Variants in CD9 observed in about 807,000 individuals in gnomAD.
CD9 encodes CD9 antigen.
CD9 carries 10 observed loss-of-function variants against 31.4 expected under a neutral mutation model. The ratio of observed to expected loss-of-function variants is 0.32; its 90% CI spans 0.20 to 0.54. The LOEUF (loss-of-function observed/expected upper bound fraction) is 0.54, where lower values mean the gene tolerates loss of function less well. CD9 is among the 20% of genes least tolerant of loss of function. The pLI, the probability that CD9 is intolerant of heterozygous loss-of-function variation, is 0.94. For synonymous variants in CD9, 113 were observed against 114.1 expected (o/e 0.99, Z 0.06); for missense variants, 259 against 300.1 (o/e 0.86, Z 1.01).
chr12:6,233,453 T>C lies in CD9; in HGVS notation c.315T>C (p.Ala105=), dbSNP rs1243155971. The change falls in exon 4 of 8, where the codon GCT becomes GCC. Residue 105 remains alanine (A), a synonymous_variant. Coordinates refer to ENST00000009180, the MANE Select transcript of CD9 (RefSeq NM_001769.4). ...TGGTGATATTCGCCATTGAAATAGC[T>C]GCGGCCATCTGGGGATATTCCCACA... ...FLLVIFAIEI[A]AAIWGYSHKD... The C allele has an allele frequency of 6.2e-7, 1 of 1,614,144 alleles. No homozygotes were observed.
At chr12:6,226,492 G>A (rs779032641) in intron 2 of CD9, 6 of 152,164 alleles carry the variant, frequency 3.9e-5, no homozygotes, top group African/African-American at 9.7e-5. Flanking sequence ...TTTTACAAAC[G>A]AGGGAGAAAA....
intron 6 of CD9, 87 bp downstream of exon 6, chr12:6,235,652 GC>G (rs1490307953): frequency 1.3e-6 from 2 of 1,488,204 alleles, no homozygotes; most frequent in Admixed American, 4.6e-5. Flanking sequence ...GCCAAGTGCT[GC>G]TTCAGCAAGA....
chr12:6,223,937 T>C (rs1041519251), intron 1 of CD9, among the ~76,000 whole-genome samples: 1 of 152,222 alleles, frequency 6.6e-6, no homozygotes, highest in African/African-American at 2.4e-5. Flanking sequence ...ACTCTCAAGT[T>C]CATTTGAACT....
At position 6,236,283 on chromosome 12, in the gene CD9, G is replaced by T. The variant is rs766138301; in HGVS notation, c.621+8G>T. On this transcript the variant is annotated splice_region_variant and intron_variant, in intron 7 of 7. Coordinates refer to ENST00000009180, the MANE Select transcript of CD9 (RefSeq NM_001769.4). Reference sequence around the variant, plus strand: ...GGCATTGCCGTGGTCATGGTGAGTGGCAGGACGTCGTCCCAGGAGGGGGAC... The same window carrying T: ...GGCATTGCCGTGGTCATGGTGAGTGTCAGGACGTCGTCCCAGGAGGGGGAC... 1.6e-5 allele frequency: 26 copies of T among 1,613,372 alleles called. 1 individual carries two copies. In the Admixed American group the frequency reaches 2.8e-4, roughly 18 times the overall value.
At chr12:6,217,196 C>G (rs1946251901) in intron 1 of CD9, among the ~76,000 whole-genome samples, 1 of 152,002 alleles carries the variant, frequency 6.6e-6, no homozygotes, top group Admixed American at 6.6e-5. Context: ...CAAAGAGTCC[C>G]CTGGGATTGC....
At chr12:6,209,240 G>T (rs543667883) in intron 1 of CD9, among the ~76,000 whole-genome samples, 1 of 152,288 alleles carries the variant, frequency 6.6e-6, no homozygotes, top group East Asian at 1.9e-4. Flanking sequence ...GATTATAGGC[G>T]TGAGCCACCG....
intron 1 of CD9, among the ~76,000 whole-genome samples, chr12:6,219,162 C>T (rs183049894): frequency 4.1e-4 from 63 of 152,116 alleles, no homozygotes; most frequent in African/African-American, 1.2e-3. Flanking sequence ...CACACCACCA[C>T]GCCCGGCTAA....
At position 6,200,505 on chromosome 12, in the gene CD9, G is replaced by T; in HGVS notation, c.6G>T (p.Pro2=). ...AGGCTAAGTTAGCCCTCACCATGCC[G>T]GTCAAAGGAGGCACCAAGTGCATCA... The part of the protein sequence containing the change: M[P]VKGGTKCIKY... The change falls in exon 1 of 8, where the codon CCG becomes CCT. Residue 2 remains proline (P), a synonymous_variant. Coordinates refer to ENST00000009180, the MANE Select transcript of CD9 (RefSeq NM_001769.4). 1.9e-6 allele frequency: 3 copies of T among 1,610,078 alleles called. No homozygotes were observed. Among genetic ancestry groups the T allele is most frequent in the South Asian group, 1.1e-5 (1 of 90,712 alleles).
At position 6,209,422 on chromosome 12, in the gene CD9, C is replaced by T. The variant is rs1357140945; in HGVS notation, c.66+8857C>T. On this transcript the variant is annotated intron_variant, in intron 1 of 7. Transcript: ENST00000009180. ...GGGGAGTCATCCATACCTCCCTCAG[C>T]GGCCCCGTTCCTAGAGACGGGAGGC... 2.0e-5 allele frequency among the ~76,000 whole-genome samples: 3 copies of T among 152,190 alleles called. 1 individual carries two copies. The South Asian group carries it at 6.2e-4, about 32-fold the overall frequency.
At chr12:6,231,095 A>G (rs148887255) in intron 2 of CD9, among the ~76,000 whole-genome samples, 54 of 152,242 alleles carry the variant, frequency 3.5e-4, no homozygotes, top group Non-Finnish European at 6.6e-4. Context: ...TTGTGGGGAA[A>G]CATCACAGAC....
At position 6,235,476 on chromosome 12, in the gene CD9, T is replaced by C. The variant is rs745452099; in HGVS notation, c.448T>C (p.Leu150=). ...CCCCATCCCTGCCTTCTCGCTGTAG[T>C]TGAACTGCTGTGGTTTGGCTGGGGG... ...RETLKAIHYA[L]NCCGLAGGVE... is the part of the protein sequence containing the mutation. Residue 150 remains leucine, a splice_region_variant and synonymous_variant, in exon 6 of 8, where the codon TTG becomes CTG. Coordinates refer to ENST00000009180, the MANE Select transcript of CD9 (RefSeq NM_001769.4). 1.2e-6 allele frequency: 2 copies of C among 1,614,004 alleles called. No homozygotes were observed. Among genetic ancestry groups the C allele is most frequent in the East Asian group, 2.2e-5 (1 of 44,872 alleles).
chr12:6,211,583 G>A (rs1946194587), intron 1 of CD9, among the ~76,000 whole-genome samples: 1 of 152,266 alleles, frequency 6.6e-6, no homozygotes, highest in African/African-American at 2.4e-5. Context: ...TGGAATGAGA[G>A]CAAGCTGCTG....
intron 4 of CD9, among the ~76,000 whole-genome samples, chr12:6,233,810 C>T (rs370282820): frequency 2.0e-5 from 3 of 151,752 alleles, no homozygotes; most frequent in African/African-American, 7.3e-5. Flanking sequence ...AAAGATTACT[C>T]AGGAAATACA....
intron 1 of CD9, 154 bp downstream of exon 1, chr12:6,200,719 T>C (rs1313134268): frequency 1.9e-6 from 1 of 533,774 alleles, no homozygotes; most frequent in Non-Finnish European, 3.3e-6. Context: ...GCCAGCTGGC[T>C]CCAAGGCCGG....
In CD9 at chr12:6,208,264, G is replaced by C. The variant is rs78590071; in HGVS notation, c.66+7699G>C. 6.9e-3 allele frequency among the ~76,000 whole-genome samples: 1,042 copies of C among 151,202 alleles called. 10 individuals carry two copies. The highest frequency in any genetic ancestry group is 9.7e-3 in the Non-Finnish European group (657 of 67,810). On this transcript the variant is annotated intron_variant, in intron 1 of 7. Coordinates refer to ENST00000009180, the MANE Select transcript of CD9 (RefSeq NM_001769.4). ...AAGAAAAGAAAAGTAACCCTTCACA[G>C]CTTACCCAATGCACATCCAAGTTTC...
intron 1 of CD9, among the ~76,000 whole-genome samples, chr12:6,209,014 G>C (rs1265593511): frequency 1.3e-5 from 2 of 151,976 alleles, no homozygotes; most frequent in Non-Finnish European, 1.5e-5. Context: ...TGTCACCCAG[G>C]CTGGAGTGCA....
At chr12:6,225,194 C>A in intron 1 of CD9, 1 of 549,422 alleles carries the variant, frequency 1.8e-6, no homozygotes, top group Admixed American at 3.4e-5. Flanking sequence ...TAAAATACCC[C>A]TTCAGCCAAT....
chr12:6,227,138 A>G lies in CD9; in HGVS notation c.175+1604A>G, dbSNP rs77485824. ...TTTATATTTTTAGATGTGGGAGTTA[A>G]GAATCTCATGGGTAAGAGGATGGAA... On this transcript the variant is annotated intron_variant, in intron 2 of 7. Coordinates refer to ENST00000009180, the MANE Select transcript of CD9 (RefSeq NM_001769.4). Among the ~76,000 whole-genome samples, 583 of 152,050 alleles carry G rather than the reference A, an allele frequency of 3.8e-3. 8 individuals carry two copies. The highest frequency in any genetic ancestry group is 0.013 in the African/African-American group (530 of 41,308).
chr12:6,237,904 G>A lies in CD9; in HGVS notation c.*76G>A. ...ATTTTTTGTTTGTTTGTTTTGTTTT[G>A]TTTGTTGTTTGTTGTTTGTTTTTTT... On this transcript the variant is annotated 3_prime_UTR_variant, in exon 8 of 8. Coordinates refer to ENST00000009180, the MANE Select transcript of CD9 (RefSeq NM_001769.4). 2 of 1,052,206 alleles carry A rather than the reference G, an allele frequency of 1.9e-6. No individual in the cohort carries two copies. The highest frequency in any genetic ancestry group is 2.9e-6 in the Non-Finnish European group (2 of 688,246). 65.2% of individuals were successfully genotyped at this position (1,052,206 alleles called of 1,614,324 possible).
Sources: gnomAD v4.1 joint callset for allele counts (sites outside exome capture counted in the v4.1 genomes callset) on GRCh38, gnomAD v4.1.1 for gene constraint, MANE v1.5 for transcripts, NCBI Gene and HGNC (gene_info 2026-07-23, HGNC 2026-07-21) for gene names.